Variants in MDFIC observed in about 807,000 individuals in gnomAD.
MDFIC encodes the protein MyoD family inhibitor domain containing.
MDFIC carries 17 observed loss-of-function variants against 23.2 expected under a neutral mutation model. That is an observed-to-expected ratio of 0.73 (90% CI 0.50 to 1.10). The LOEUF is 1.10. MDFIC is among the 50% of genes least tolerant of loss of function. The pLI is 0.00. For missense variants in MDFIC, 356 were observed against 316.6 expected (o/e 1.12, Z -0.95); for synonymous variants, 120 against 115.2 (o/e 1.04, Z -0.27).
At chr7:114,985,531 A>G (rs1186875944) in intron 4 of MDFIC, among the ~76,000 whole-genome samples, 2 of 151,916 alleles carry the variant, frequency 1.3e-5, no homozygotes, top group Non-Finnish European at 2.9e-5. Context: ...AAGGTTTGTT[A>G]GATAAGTAAA....
intron 3 of MDFIC, among the ~76,000 whole-genome samples, chr7:114,949,528 C>T (rs1792718632): frequency 6.6e-6 from 1 of 152,062 alleles, no homozygotes; most frequent in South Asian, 2.1e-4. Context: ...TTTTGCAGAT[C>T]ATGTTGTTAT....
intron 3 of MDFIC, among the ~76,000 whole-genome samples, chr7:114,968,063 T>A (rs1040243571): frequency 6.6e-6 from 1 of 152,150 alleles, no homozygotes. Flanking sequence ...GGGATCCTCC[T>A]GCCTCAGCCT....
intron 4 of MDFIC, among the ~76,000 whole-genome samples, chr7:114,988,417 A>T (rs951823712): frequency 2.0e-5 from 3 of 152,164 alleles, no homozygotes; most frequent in African/African-American, 7.2e-5. Context: ...TTTTAGGTCA[A>T]ACATAATATG....
At position 114,922,175 on chromosome 7, in the gene MDFIC, T is replaced by A. The variant is rs762387971; in HGVS notation, c.-569T>A. 5.2e-6 allele frequency: 2 copies of A among 383,252 alleles called. No homozygotes were observed. The highest frequency in any genetic ancestry group is 9.1e-6 in the Non-Finnish European group (2 of 219,758). The allele number at this position is 383,252 out of a possible 1,614,324, so 23.7% of individuals were successfully genotyped here. A position where few individuals can be genotyped will look rare whatever the true frequency, so the allele number is the denominator to read the frequency against. ...CCAGCCCAGGCCGGCTCTGGCCTCC[T>A]GACCCAGACAGCGCAGGGCGCGAGG... is the stretch of plus-strand genomic sequence containing the variant. On this transcript the variant is annotated 5_prime_UTR_variant, in exon 1 of 5. Transcript: ENST00000393486.
In MDFIC at chr7:114,949,510, A is replaced by G. The variant is rs563193167; in HGVS notation, c.217+7113A>G. Among the ~76,000 whole-genome samples, 5 of 152,326 alleles carry G rather than the reference A, an allele frequency of 3.3e-5. No homozygotes were observed. The South Asian group carries it at 8.3e-4, about 25-fold the overall frequency. On this transcript the variant is annotated intron_variant, in intron 3 of 4. Coordinates refer to ENST00000393486, the MANE Select transcript of MDFIC (RefSeq NM_001166345.3). ...TGAACACTCTGTGAACTTACACGTA[A>G]ATTATGTTTTTGCAGATCATGTTGT... is the stretch of plus-strand genomic sequence containing the variant.
chr7:114,928,528 A>G (rs1459938528), intron 2 of MDFIC, among the ~76,000 whole-genome samples: 1 of 152,224 alleles, frequency 6.6e-6, no homozygotes, highest in East Asian at 1.9e-4. Context: ...CTGTGGAGAT[A>G]AGTGGTAGAA....
intron 2 of MDFIC, among the ~76,000 whole-genome samples, chr7:114,934,370 A>G (rs1407073519): frequency 2.0e-5 from 3 of 152,190 alleles, no homozygotes; most frequent in Non-Finnish European, 4.4e-5. Context: ...TTCTCCCTTC[A>G]TGAATTTAGA....
At chr7:114,987,076 AT>A (rs1793528322) in intron 4 of MDFIC, among the ~76,000 whole-genome samples, 1 of 152,190 alleles carries the variant, frequency 6.6e-6, no homozygotes, top group Admixed American at 6.5e-5. Context: ...AAGGGCAAAT[AT>A]TTGAGCTAAA....
intron 4 of MDFIC, among the ~76,000 whole-genome samples, chr7:115,012,636 C>T (rs917280572): frequency 4.6e-5 from 7 of 152,018 alleles, no homozygotes; most frequent in South Asian, 4.1e-4. Flanking sequence ...TTAAGAACAG[C>T]GATGTTAGGA....
chr7:115,018,089 T>A lies in MDFIC; in HGVS notation c.*2154T>A, dbSNP rs968874867. On this transcript the variant is annotated 3_prime_UTR_variant, in exon 5 of 5. Coordinates refer to ENST00000393486, the MANE Select transcript of MDFIC (RefSeq NM_001166345.3). Reference sequence around the variant, plus strand: ...TTAAATTTTGGGATCTGAATATAATTCTGGTAAACAGCTGTCTTCATTTTT... The same window carrying A: ...TTAAATTTTGGGATCTGAATATAATACTGGTAAACAGCTGTCTTCATTTTT... The A allele has an allele frequency of 2.7e-4, 41 of 152,002 alleles. No individual in the cohort carries two copies. Among genetic ancestry groups the A allele is most frequent in the African/African-American group, 8.9e-4 (37 of 41,458 alleles). 9.4% of individuals were successfully genotyped at this position (152,002 alleles called of 1,614,324 possible). A position where few individuals can be genotyped will look rare whatever the true frequency, so the allele number is the denominator to read the frequency against.
chr7:114,957,938 A>G (rs1792913978), intron 3 of MDFIC, among the ~76,000 whole-genome samples: 1 of 152,226 alleles, frequency 6.6e-6, no homozygotes, highest in Non-Finnish European at 1.5e-5. Context: ...CTGTATCACA[A>G]TATTTAAGCA....
chr7:114,979,393 T>A, intron 3 of MDFIC, 113 bp from the exon 4 acceptor site: 1 of 1,057,608 alleles, frequency 9.5e-7, no homozygotes, highest in East Asian at 2.7e-5. Flanking sequence ...GCCTCTTCAG[T>A]GTTAGTATTA....
At chr7:114,994,775 C>A (rs547000236) in intron 4 of MDFIC, among the ~76,000 whole-genome samples, 1 of 151,996 alleles carries the variant, frequency 6.6e-6, no homozygotes, top group East Asian at 1.9e-4. Context: ...CTCTGGCTGC[C>A]CTTAACATTT....
At chr7:114,960,144 C>A (rs1792958687) in intron 3 of MDFIC, among the ~76,000 whole-genome samples, 1 of 152,076 alleles carries the variant, frequency 6.6e-6, no homozygotes, top group Non-Finnish European at 1.5e-5. Context: ...TGGAGAAAAT[C>A]CCTTTTCTCA....
intron 3 of MDFIC, among the ~76,000 whole-genome samples, chr7:114,945,261 T>G (rs575704404): frequency 6.6e-6 from 1 of 152,328 alleles, no homozygotes; most frequent in Non-Finnish European, 1.5e-5. Context: ...TTTTCTTTGC[T>G]GAGAATAACT....
Position 114,922,246 on chromosome 7 carries a change from C to A in MDFIC, c.-498C>A. 2 of 600,828 alleles carry A rather than the reference C, an allele frequency of 3.3e-6. 1 individual carries two copies. Among genetic ancestry groups the A allele is most frequent in the Middle Eastern group, 1.0e-3 (2 of 1,980 alleles). 37.2% of individuals were successfully genotyped at this position (600,828 alleles called of 1,614,324 possible). A position where few individuals can be genotyped will look rare whatever the true frequency, so the allele number is the denominator to read the frequency against. ...GTCGCGCCGCTCCCAGCATCGGGGC[C>A]GCTAGCCAAGAGTTCGAGGCCTTCC... On this transcript the variant is annotated 5_prime_UTR_variant, in exon 1 of 5. Coordinates refer to ENST00000393486, the MANE Select transcript of MDFIC (RefSeq NM_001166345.3).
intron 4 of MDFIC, 130 bp from the exon 5 acceptor site, chr7:115,015,558 C>T (rs972622632): frequency 1.6e-6 from 2 of 1,268,542 alleles, no homozygotes; most frequent in East Asian, 2.3e-5. Context: ...TTCCAGCTCA[C>T]AAAGCAAACT....
intron 3 of MDFIC, among the ~76,000 whole-genome samples, chr7:114,975,839 A>C (rs1225886532): frequency 6.6e-6 from 1 of 152,130 alleles, no homozygotes; most frequent in Non-Finnish European, 1.5e-5. Flanking sequence ...ACATCTGGCA[A>C]AATCATTCAA....
chr7:115,019,495 CATAA>C lies in MDFIC; in HGVS notation c.*3565_*3568del, dbSNP rs1270541371. 1.3e-5 allele frequency among the ~76,000 whole-genome samples: 2 copies of C among 152,072 alleles called. No homozygotes were observed. Among genetic ancestry groups the C allele is most frequent in the Non-Finnish European group, 2.9e-5 (2 of 67,962 alleles). On this transcript the variant is annotated 3_prime_UTR_variant, in exon 5 of 5. Transcript: ENST00000393486. ...ATAAACGTCAAACATCACTGCCCAA[CATAA>C]ATAAGACTCGAGACTTATTAACATA...
Sources: allele counts gnomAD v4.1 joint callset (sites outside exome capture counted in the v4.1 genomes callset), GRCh38; gene constraint gnomAD v4.1.1; transcripts MANE v1.5; gene names NCBI Gene and HGNC (gene_info 2026-07-23, HGNC 2026-07-21).